The following SMG9 variants were observed in gnomAD, a reference collection of about 807,000 sequenced individuals.
SMG9 encodes the protein nonsense-mediated mRNA decay factor SMG9.
SMG9 carries 55 observed loss-of-function variants against 64.0 expected under a neutral mutation model. The ratio of observed to expected loss-of-function variants is 0.86; its 90% CI spans 0.69 to 1.08. SMG9 has a LOEUF of 1.08. Ranked by LOEUF, SMG9 falls within the 50% of genes least tolerant of loss-of-function variation. SMG9 has a pLI of 0.00. For synonymous variants in SMG9, 244 were observed against 254.8 expected, an observed-to-expected ratio of 0.96 and a Z score of 0.41; for missense variants, 554 against 681.3, an observed-to-expected ratio of 0.81 and a Z score of 2.08.
At chr19:43,732,625 C>A (rs56114615) in intron 13 of SMG9, 25,505 of 547,706 alleles carry the variant, frequency 0.047, 814 homozygotes, top group Non-Finnish European at 0.064. Context: ...AAACTGGTGA[C>A]AAGGACCTAC....
Position 43,753,506 on chromosome 19 carries a change from G to C in SMG9, c.-7+1148C>G, listed in dbSNP as rs1441833973. Among the ~76,000 whole-genome samples, 11 of 148,466 alleles carry C rather than the reference G, an allele frequency of 7.4e-5. No homozygotes were observed. The East Asian group carries it at 2.2e-3, about 30-fold the overall frequency. On this transcript the variant is annotated intron_variant, in intron 1 of 13. Transcript: ENST00000270066. ...GAGACGGTCTTGCTCTGTTGCCCAG[G>C]CTGGAGTGCAGTGGCACGATCTCAG... is the stretch of plus-strand genomic sequence containing the variant.
intron 5 of SMG9, among the ~76,000 whole-genome samples, chr19:43,746,769 G>A (rs992487385): frequency 5.3e-5 from 8 of 151,906 alleles, no homozygotes; most frequent in Admixed American, 3.9e-4. Context: ...GTCACTTTGG[G>A]GGAGTGACAT....
chr19:43,736,628 C>CA (rs1968676755), intron 9 of SMG9, among the ~76,000 whole-genome samples: 1 of 152,232 alleles, frequency 6.6e-6, no homozygotes, highest in East Asian at 1.9e-4. Flanking sequence ...GCCAGCTCCT[C>CA]ATGCTCCTTA....
At chr19:43,746,042 G>A (rs951686702) in intron 5 of SMG9, among the ~76,000 whole-genome samples, 22 of 149,246 alleles carry the variant, frequency 1.5e-4, no homozygotes, top group African/African-American at 5.2e-4. Flanking sequence ...GCGTGATGTC[G>A]CACACTTGTG....
chr19:43,735,114 G>A (rs1050548130), intron 9 of SMG9, among the ~76,000 whole-genome samples: 9 of 152,112 alleles, frequency 5.9e-5, no homozygotes, highest in African/African-American at 2.2e-4. Flanking sequence ...TGTATAGTTG[G>A]AATTACAAGT....
intron 1 of SMG9, among the ~76,000 whole-genome samples, chr19:43,753,934 C>A (rs77800606): frequency 2.4e-3 from 170 of 69,856 alleles, no homozygotes; most frequent in African/African-American, 0.013. Context: ...AAAAAAAAAA[C>A]CCCACCCACA....
At chr19:43,753,432 G>A (rs76850817) in intron 1 of SMG9, among the ~76,000 whole-genome samples, 7,949 of 150,474 alleles carry the variant, frequency 0.053, 306 homozygotes, top group African/African-American at 0.12. Context: ...CCTGTGCAAA[G>A]TAAGCGCCCC....
Position 43,748,103 on chromosome 19 carries a change from G to C in SMG9, c.151-51C>G, listed in dbSNP as rs774852542. 3 of 1,558,560 alleles carry C rather than the reference G, an allele frequency of 1.9e-6. No homozygotes were observed. In the Admixed American group the frequency reaches 5.7e-5, roughly 30 times the overall value. On this transcript the variant is annotated intron_variant, in intron 2 of 13. Coordinates refer to ENST00000270066, the MANE Select transcript of SMG9 (RefSeq NM_019108.4). ...ATGAATGGCTCTCCTGGACATTCCAGATCTTTATGTACCATGAACTATTCT... is the reference window on the plus strand; with the variant it reads ...ATGAATGGCTCTCCTGGACATTCCACATCTTTATGTACCATGAACTATTCT...
intron 6 of SMG9, among the ~76,000 whole-genome samples, chr19:43,743,422 C>T (rs1968902534): frequency 1.3e-5 from 2 of 152,184 alleles, no homozygotes; most frequent in Admixed American, 6.5e-5. Context: ...TTTTCTAGAT[C>T]TCCATCAGCC....
At chr19:43,750,871 C>T in intron 1 of SMG9, 124 bp from the exon 2 acceptor site, 1 of 894,186 alleles carries the variant, frequency 1.1e-6, no homozygotes, top group Admixed American at 2.9e-5. Context: ...GTCGCCCAGG[C>T]TGGAGTACAG....
In SMG9 at chr19:43,750,690, G is replaced by A. The variant is rs371284767; in HGVS notation, c.52C>T (p.Arg18Ter). Reference sequence around the variant, plus strand: ...CCAGAGCCAGGCTCCTTCCACCGTCGCCGCCGCTCTATCCCATAGAGTCCA... The same window carrying A: ...CCAGAGCCAGGCTCCTTCCACCGTCACCGCCGCTCTATCCCATAGAGTCCA... ...QPGLYGIERR[R>*]RWKEPGSGGP... The change falls in exon 2 of 14, where the codon CGA (arginine) becomes TGA (stop). Residue 18 changes from arginine to a stop codon, truncating the protein, a stop_gained. Transcript: ENST00000270066. LOFTEE classifies it high-confidence loss of function. The A allele has an allele frequency of 6.8e-6, 11 of 1,613,794 alleles. No homozygotes were observed. The highest frequency in any genetic ancestry group is 2.2e-5 in the East Asian group (1 of 44,880).
At chr19:43,748,800 G>C (rs374934147) in intron 2 of SMG9, 94 of 520,092 alleles carry the variant, frequency 1.8e-4, no homozygotes, top group African/African-American at 1.6e-3. Context: ...AATATACTGA[G>C]GACACTTACT....
intron 12 of SMG9, 157 bp downstream of exon 12, chr19:43,733,167 C>G: frequency 1.5e-6 from 2 of 1,337,164 alleles, no homozygotes; most frequent in Non-Finnish European, 2.0e-6. Flanking sequence ...GTCCACACAC[C>G]CCAGGAACAA....
intron 7 of SMG9, 63 bp from the exon 8 acceptor site, chr19:43,738,280 TAC>T: frequency 7.1e-7 from 1 of 1,404,058 alleles, no homozygotes; most frequent in Non-Finnish European, 1.0e-6. Flanking sequence ...TCAAGGCAAA[TAC>T]ATTGTCTATC....
intron 5 of SMG9, among the ~76,000 whole-genome samples, chr19:43,746,289 A>G (rs1236290653): frequency 6.6e-6 from 1 of 152,230 alleles, no homozygotes. Flanking sequence ...ATGGCTATTT[A>G]AATTAGTAAG....
intron 1 of SMG9, among the ~76,000 whole-genome samples, chr19:43,753,144 G>A (rs56026456): frequency 6.6e-6 from 1 of 151,988 alleles, no homozygotes; most frequent in South Asian, 2.1e-4. Context: ...ACCTCTCCCA[G>A]AGCCACAAGC....
chr19:43,751,433 G>A (rs188638493), intron 1 of SMG9, among the ~76,000 whole-genome samples: 24 of 152,174 alleles, frequency 1.6e-4, no homozygotes, highest in African/African-American at 4.3e-4. Context: ...CACCATGCCC[G>A]GCCAAGGCCC....
intron 5 of SMG9, among the ~76,000 whole-genome samples, chr19:43,745,798 T>C (rs2146394529): frequency 6.6e-6 from 1 of 152,236 alleles, no homozygotes; most frequent in South Asian, 2.1e-4. Flanking sequence ...GGTCGGGAGT[T>C]ACAGACCAGC....
intron 5 of SMG9, 69 bp from the exon 6 acceptor site, chr19:43,744,953 C>T (rs1350040405): frequency 8.3e-7 from 1 of 1,211,938 alleles, no homozygotes; most frequent in African/African-American, 1.5e-5. Flanking sequence ...GGGGGGGACT[C>T]CAGAGACCCT....
Sources: gnomAD v4.1 joint callset for allele counts (sites outside exome capture counted in the v4.1 genomes callset) on GRCh38, gnomAD v4.1.1 for gene constraint, MANE v1.5 for transcripts, NCBI Gene and HGNC (gene_info 2026-07-23, HGNC 2026-07-21) for gene names.